PRKAR2A: variants seen among roughly 807,000 people sequenced by gnomAD.
PRKAR2A encodes protein kinase cAMP-dependent type II regulatory subunit alpha.
PRKAR2A carries 29 observed loss-of-function variants against 51.9 expected under a neutral mutation model. That is an observed-to-expected ratio of 0.56 (90% CI 0.42 to 0.76). PRKAR2A has a LOEUF of 0.76. Ranked by LOEUF, PRKAR2A falls within the 30% of genes least tolerant of loss-of-function variation. PRKAR2A has a pLI of 0.00. For missense variants in PRKAR2A, 445 were observed against 512.1 expected, an observed-to-expected ratio of 0.87 and a Z score of 1.26; for synonymous variants, 178 against 186.2, an observed-to-expected ratio of 0.96 and a Z score of 0.36.
At chr3:48,795,725 T>C (rs978146707) in intron 2 of PRKAR2A, among the ~76,000 whole-genome samples, 3 of 152,116 alleles carry the variant, frequency 2.0e-5, no homozygotes, top group Non-Finnish European at 2.9e-5. Flanking sequence ...TTAGTAGAGA[T>C]GGAGTTTCAC....
rs556199339 is a variant in PRKAR2A, at chr3:48,762,173, A to C, written c.873+2831T>G. On this transcript the variant is annotated intron_variant, in intron 8 of 10. Coordinates refer to ENST00000265563, the MANE Select transcript of PRKAR2A (RefSeq NM_004157.4). The stretch of plus-strand genomic sequence containing the variant: ...GGAGGTGCACACCTATAATCCCAGC[A>C]CTTAGAAGGCCAAGGCGGGCAGATG... 2.6e-5 allele frequency among the ~76,000 whole-genome samples: 4 copies of C among 152,262 alleles called. No individual in the cohort carries two copies. The South Asian group carries it at 8.3e-4, about 32-fold the overall frequency.
intron 2 of PRKAR2A, among the ~76,000 whole-genome samples, chr3:48,798,951 G>A (rs939795272): frequency 3.3e-5 from 5 of 152,114 alleles, no homozygotes; most frequent in African/African-American, 9.7e-5. Flanking sequence ...GTAAGCCCTC[G>A]TGTCCAGCCT....
chr3:48,834,454 G>C (rs1050114122), intron 1 of PRKAR2A, among the ~76,000 whole-genome samples: 10 of 152,136 alleles, frequency 6.6e-5, no homozygotes, highest in African/African-American at 2.4e-4. Context: ...TGAAAAGAAG[G>C]CTGGGCGCAG....
rs187395862 is a variant in PRKAR2A, at chr3:48,747,675, A to G, written c.*3910T>C. The G allele has an allele frequency of 9.8e-5, 15 of 152,364 alleles. 1 individual carries two copies. The East Asian group carries it at 2.7e-3, about 27-fold the overall frequency. 9.4% of individuals were successfully genotyped at this position (152,364 alleles called of 1,614,324 possible). On this transcript the variant is annotated 3_prime_UTR_variant, in exon 11 of 11. Transcript: ENST00000265563. The stretch of plus-strand genomic sequence containing the variant: ...TTCCTTCAGAGAATTCAACCAAGAG[A>G]AGAGAGTGGGTGGCATAAGCTGGGG...
chr3:48,833,734 GAAAGA>G (rs1328267911), intron 1 of PRKAR2A, among the ~76,000 whole-genome samples: 1 of 142,888 alleles, frequency 7.0e-6, no homozygotes, highest in East Asian at 2.1e-4. Context: ...AAGAAAGAAA[GAAAGA>G]AAATTGTTTC....
intron 4 of PRKAR2A, among the ~76,000 whole-genome samples, chr3:48,788,573 T>C (rs764711821): frequency 6.6e-5 from 10 of 152,042 alleles, no homozygotes; most frequent in Non-Finnish European, 1.2e-4. Context: ...GAACTAAATG[T>C]TTATGTCACC....
At chr3:48,799,079 A>G (rs1251174839) in intron 2 of PRKAR2A, among the ~76,000 whole-genome samples, 1 of 152,110 alleles carries the variant, frequency 6.6e-6, no homozygotes, top group Non-Finnish European at 1.5e-5. Context: ...CTAGGAAAAA[A>G]TCCATTTTAC....
intron 9 of PRKAR2A, among the ~76,000 whole-genome samples, chr3:48,754,661 C>A (rs1403447372): frequency 1.3e-5 from 2 of 151,692 alleles, no homozygotes. Flanking sequence ...ATAGTCCCAG[C>A]TACTTGCGAG....
downstream of PRKAR2A, among the ~76,000 whole-genome samples, chr3:48,745,957 A>C (rs1384729302): frequency 1.3e-5 from 2 of 152,056 alleles, no homozygotes; most frequent in East Asian, 3.8e-4. Context: ...ACTCTTCCCC[A>C]AGTAAGACAG....
At chr3:48,835,163 G>T (rs971771235) in intron 1 of PRKAR2A, among the ~76,000 whole-genome samples, 6 of 151,996 alleles carry the variant, frequency 3.9e-5, no homozygotes, top group Admixed American at 1.3e-4. Flanking sequence ...TAGAGACGGG[G>T]TTTCCCCATG....
chr3:48,752,275 C>A lies in PRKAR2A; in HGVS notation c.982G>T (p.Ala328Ser), dbSNP rs1343266127. 1 of 1,614,020 alleles carries A rather than the reference C, an allele frequency of 6.2e-7. No homozygotes were observed. Among genetic ancestry groups the A allele is most frequent in the Non-Finnish European group, 8.5e-7 (1 of 1,180,034 alleles). Residue 328 changes from alanine (A) to serine (S), a missense_variant, in exon 10 of 11, where the codon GCC (alanine) becomes TCC (serine). Physicochemically the swap from Ala to Ser is moderately conservative, Grantham distance 99 (BLOSUM62 1). Transcript: ENST00000265563. ...KDGGNQEVEI[A>S]RCHKGQYFGE... ...AAGTACTGCCCCTTATGGCAGCGGGCAATCTCGACCTCCTGGTTCCCACCA... is the reference window on the plus strand; with the variant it reads ...AAGTACTGCCCCTTATGGCAGCGGGAAATCTCGACCTCCTGGTTCCCACCA...
chr3:48,823,798 A>G (rs530093166), intron 1 of PRKAR2A, among the ~76,000 whole-genome samples: 49 of 151,936 alleles, frequency 3.2e-4, no homozygotes, highest in East Asian at 1.4e-3. Context: ...AAAAAAAAAA[A>G]AAAAGAAAAA....
chr3:48,832,418 T>G (rs960026409), intron 1 of PRKAR2A, among the ~76,000 whole-genome samples: 1 of 152,026 alleles, frequency 6.6e-6, no homozygotes, highest in Admixed American at 6.6e-5. Flanking sequence ...AAATGGCACC[T>G]CAAATGCAAA....
At chr3:48,803,990 GA>G (rs1427006339) in intron 2 of PRKAR2A, among the ~76,000 whole-genome samples, 2 of 152,012 alleles carry the variant, frequency 1.3e-5, no homozygotes, top group Admixed American at 1.3e-4. Flanking sequence ...AAAAAAGCAT[GA>G]GAATATAGCA....
chr3:48,782,991 T>C lies in PRKAR2A; in HGVS notation c.537A>G (p.Ile179Met), dbSNP rs1299368108. ...QGDDGDNFYV[I>M]ERGTYDILVT... Reference sequence around the variant, plus strand: ...TTCAAAGCTCCATCTCCTACCGTTCTATGACATAAAAGTTGTCTCCATCAT... The same window carrying C: ...TTCAAAGCTCCATCTCCTACCGTTCCATGACATAAAAGTTGTCTCCATCAT... Residue 179 changes from isoleucine to methionine, a missense_variant, in exon 5 of 11, where the codon ATA (isoleucine) becomes ATG (methionine). Transcript: ENST00000265563. 13 of 1,602,754 alleles carry C rather than the reference T, an allele frequency of 8.1e-6. No individual in the cohort carries two copies. Among genetic ancestry groups the C allele is most frequent in the Non-Finnish European group, 1.1e-5 (13 of 1,169,668 alleles).
At chr3:48,845,378 T>C (rs769449255) in intron 1 of PRKAR2A, among the ~76,000 whole-genome samples, 6 of 152,192 alleles carry the variant, frequency 3.9e-5, no homozygotes, top group Non-Finnish European at 7.4e-5. Flanking sequence ...GCACTGAAGC[T>C]TGTGACCTCC....
At chr3:48,818,040 T>C (rs1255119224) in intron 1 of PRKAR2A, among the ~76,000 whole-genome samples, 1 of 152,160 alleles carries the variant, frequency 6.6e-6, no homozygotes, top group African/African-American at 2.4e-5. Context: ...CATTCCCAAA[T>C]GTGCTAATTA....
intron 2 of PRKAR2A, among the ~76,000 whole-genome samples, chr3:48,802,302 A>G (rs2082603160): frequency 6.6e-6 from 1 of 152,160 alleles, no homozygotes; most frequent in South Asian, 2.1e-4. Flanking sequence ...TTGGCCTCCC[A>G]AAGTGGTGGG....
At chr3:48,840,708 C>A (rs1370544581) in intron 1 of PRKAR2A, among the ~76,000 whole-genome samples, 1 of 144,194 alleles carries the variant, frequency 6.9e-6, no homozygotes, top group Non-Finnish European at 1.5e-5. Flanking sequence ...TCCCGAGTAG[C>A]TGGGACTACA....
Sources: gnomAD v4.1 joint callset for allele counts (sites outside exome capture counted in the v4.1 genomes callset) on GRCh38, gnomAD v4.1.1 for gene constraint, MANE v1.5 for transcripts, NCBI Gene and HGNC (gene_info 2026-07-23, HGNC 2026-07-21) for gene names.